SPAG16: variants seen among roughly 807,000 people sequenced by gnomAD.
SPAG16 encodes sperm associated antigen 16.
SPAG16 carries 86 observed loss-of-function variants against 80.4 expected under a neutral mutation model. The observed-to-expected ratio is 1.07, with a 90% CI of 0.90 to 1.28. The LOEUF (loss-of-function observed/expected upper bound fraction) is 1.28. SPAG16 is among the 50% of genes most tolerant of loss of function. SPAG16 has a pLI of 0.00. For synonymous variants in SPAG16, 294 were observed against 265.9 expected (o/e 1.11, Z -1.03); for missense variants, 870 against 765.3 (o/e 1.14, Z -1.61).
chr2:214,006,397 T>C (rs1343653522), intron 12 of SPAG16, among the ~76,000 whole-genome samples: 1 of 152,192 alleles, frequency 6.6e-6, no homozygotes, highest in Non-Finnish European at 1.5e-5. Flanking sequence ...GTATCTGACC[T>C]GGAAGAGTAG....
At chr2:213,363,754 GA>G (rs1217164023) in intron 7 of SPAG16, among the ~76,000 whole-genome samples, 3 of 151,996 alleles carry the variant, frequency 2.0e-5, no homozygotes, top group African/African-American at 7.2e-5. Flanking sequence ...TTGAACAGAG[GA>G]AAAACCTCTC....
intron 10 of SPAG16, among the ~76,000 whole-genome samples, chr2:213,675,630 T>C (rs999952907): frequency 6.6e-6 from 1 of 152,230 alleles, no homozygotes; most frequent in Admixed American, 6.5e-5. Context: ...CAGCACTATT[T>C]ATTAAATAGG....
At chr2:213,452,011 A>G (rs533487650) in intron 9 of SPAG16, among the ~76,000 whole-genome samples, 44 of 151,660 alleles carry the variant, frequency 2.9e-4, no homozygotes, top group African/African-American at 1.1e-3. Context: ...TGTGTGCTTA[A>G]AGAAAGGGAG....
chr2:213,367,699 A>T lies in SPAG16; in HGVS notation c.832+3554A>T, dbSNP rs200527027. On this transcript the variant is annotated intron_variant, in intron 8 of 15. Coordinates refer to ENST00000331683, the MANE Select transcript of SPAG16 (RefSeq NM_024532.5). Reference sequence around the variant, plus strand: ...ATTCTGGATATTAGCCCTTTGTCAGATGAGTAGATTGCAAAAATTTTCTCC... The same window carrying T: ...ATTCTGGATATTAGCCCTTTGTCAGTTGAGTAGATTGCAAAAATTTTCTCC... Among the ~76,000 whole-genome samples the T allele has an allele frequency of 1.6e-3, 243 of 151,372 alleles. No homozygotes were observed. The East Asian group carries it at 0.043, about 27-fold the overall frequency.
rs187003097 is a variant in SPAG16 at position 213,344,908 on chromosome 2, G to A, written c.644+4638G>A. 1.2e-3 allele frequency among the ~76,000 whole-genome samples: 181 copies of A among 152,248 alleles called. 2 individuals carry two copies. Among genetic ancestry groups the A allele is most frequent in the African/African-American group, 4.2e-3 (173 of 41,528 alleles). ...TGGGTATATACCCAGTAATGGGATCGCTGGGTCAAATGGTATTTCTAGTTC... is the reference window on the plus strand; with the variant it reads ...TGGGTATATACCCAGTAATGGGATCACTGGGTCAAATGGTATTTCTAGTTC... On this transcript the variant is annotated intron_variant, in intron 6 of 15. Transcript: ENST00000331683.
chr2:213,855,373 T>C (rs1246809528), intron 10 of SPAG16, among the ~76,000 whole-genome samples: 2 of 152,238 alleles, frequency 1.3e-5, no homozygotes, highest in Non-Finnish European at 2.9e-5. Context: ...GCTTTACCAC[T>C]TCCTAGCTTT....
At chr2:214,050,641 G>A (rs770756374) in intron 13 of SPAG16, among the ~76,000 whole-genome samples, 49 of 152,020 alleles carry the variant, frequency 3.2e-4, no homozygotes, top group Admixed American at 2.4e-3. Context: ...ACATATAAAA[G>A]TATTATGTAT....
intron 10 of SPAG16, among the ~76,000 whole-genome samples, chr2:213,630,487 G>A (rs376293681): frequency 1.4e-4 from 21 of 152,168 alleles, no homozygotes; most frequent in African/African-American, 4.8e-4. Flanking sequence ...TGGTAAGTTT[G>A]TAAGTTATAT....
intron 10 of SPAG16, among the ~76,000 whole-genome samples, chr2:213,508,982 A>ATGTTT: frequency 7.7e-6 from 1 of 129,530 alleles, no homozygotes; most frequent in East Asian, 2.3e-4. Flanking sequence ...TTTCTATACA[A>ATGTTT]TATTTTCTTT....
intron 9 of SPAG16, among the ~76,000 whole-genome samples, chr2:213,426,754 G>GGTGTGTGT (rs148203065): frequency 1.4e-5 from 2 of 140,544 alleles, no homozygotes; most frequent in Non-Finnish European, 3.1e-5. Context: ...GCATAAATCT[G>GGTGTGTGT]GTGTGTGTGT....
chr2:214,177,990 T>C (rs1356315360), intron 15 of SPAG16, among the ~76,000 whole-genome samples: 12 of 55,468 alleles, frequency 2.2e-4, no homozygotes, highest in Non-Finnish European at 6.0e-4. Flanking sequence ...TATATATATA[T>C]ATATATATAT....
chr2:213,952,938 T>A (rs1454073451), intron 12 of SPAG16, among the ~76,000 whole-genome samples: 1 of 152,030 alleles, frequency 6.6e-6, no homozygotes, highest in Non-Finnish European at 1.5e-5. Context: ...TATCTTAAAA[T>A]CTCCTCAGCC....
At chr2:213,416,546 G>GT (rs1480038020) in intron 9 of SPAG16, among the ~76,000 whole-genome samples, 1,698 of 103,340 alleles carry the variant, frequency 0.016, 40 homozygotes, top group African/African-American at 0.042. Flanking sequence ...TACTTGACTT[G>GT]TTTTTTCTTT....
At chr2:213,415,383 C>T (rs146606698) in intron 9 of SPAG16, among the ~76,000 whole-genome samples, 44 of 152,286 alleles carry the variant, frequency 2.9e-4, no homozygotes, top group East Asian at 9.6e-4. Context: ...CTCTCTGAAG[C>T]GGCTTAGAAA....
chr2:214,406,463 C>T (rs527825682), intron 15 of SPAG16, among the ~76,000 whole-genome samples: 14 of 152,124 alleles, frequency 9.2e-5, no homozygotes, highest in Middle Eastern at 3.4e-3. Context: ...ATTCTGTAAA[C>T]TTCTTCAAGG....
At chr2:214,114,856 T>C (rs188096040) in intron 14 of SPAG16, among the ~76,000 whole-genome samples, 133 of 152,278 alleles carry the variant, frequency 8.7e-4, no homozygotes, top group African/African-American at 3.1e-3. Context: ...GGTACCTCAG[T>C]TGGAAATGCA....
At chr2:214,136,371 T>A (rs1470848942) in intron 14 of SPAG16, among the ~76,000 whole-genome samples, 3 of 152,188 alleles carry the variant, frequency 2.0e-5, no homozygotes, top group Non-Finnish European at 4.4e-5. Flanking sequence ...ACCTTGGTTG[T>A]CTCATTTGTA....
At chr2:214,402,946 G>C (rs1340403173) in intron 15 of SPAG16, among the ~76,000 whole-genome samples, 1 of 151,554 alleles carries the variant, frequency 6.6e-6, no homozygotes, top group Non-Finnish European at 1.5e-5. Flanking sequence ...AACTGGAGTG[G>C]CACACTCAAG....
intron 10 of SPAG16, among the ~76,000 whole-genome samples, chr2:213,693,026 G>C (rs1014963283): frequency 1.3e-5 from 2 of 152,102 alleles, no homozygotes; most frequent in African/African-American, 4.8e-5. Flanking sequence ...TATTACAAAA[G>C]AATCATCAAT....
Sources: allele counts gnomAD v4.1 joint callset (sites outside exome capture counted in the v4.1 genomes callset), GRCh38; gene constraint gnomAD v4.1.1; transcripts MANE v1.5; gene names NCBI Gene and HGNC (gene_info 2026-07-23, HGNC 2026-07-21).